Variants in ABCB5 observed in about 807,000 individuals in gnomAD.
ABCB5 encodes the protein ATP-binding cassette sub-family B member 5.
In ABCB5, 155 loss-of-function variants were observed where a neutral mutation model predicts 144.2. That is an observed-to-expected ratio of 1.08 (90% CI 0.94 to 1.23). ABCB5 has a LOEUF of 1.23. Ranked by LOEUF, ABCB5 falls within the 50% of genes most tolerant of loss-of-function variation. The probability of loss-of-function intolerance (pLI) is 0.00; values close to 1 mark genes in which losing one functional copy is unlikely to be tolerated. For missense variants in ABCB5, 1,830 were observed against 1,520.8 expected, an observed-to-expected ratio of 1.20 and a Z score of -3.38; for synonymous variants, 610 against 528.6, an observed-to-expected ratio of 1.15 and a Z score of -2.11.
At position 20,643,121 on chromosome 7, in the gene ABCB5, TTA is replaced by T. The variant is rs1784328280; in HGVS notation, c.315-61_315-60del. On this transcript the variant is annotated intron_variant, in intron 5 of 27. Transcript: ENST00000404938. ...TCAATCAAATACTGTGATCGATTTT[TTA>T]TGTGTGTAACAAGATAAAAATGTTG... 5.3e-5 allele frequency: 74 copies of T among 1,396,960 alleles called. No individual in the cohort carries two copies. The South Asian group carries it at 7.9e-4, about 15-fold the overall frequency. 86.5% of individuals were successfully genotyped at this position (1,396,960 alleles called of 1,614,324 possible). A position where few individuals can be genotyped will look rare whatever the true frequency, so the allele number is the denominator to read the frequency against.
intron 14 of ABCB5, among the ~76,000 whole-genome samples, chr7:20,680,797 C>A: frequency 6.6e-6 from 1 of 152,104 alleles, no homozygotes; most frequent in East Asian, 1.9e-4. Flanking sequence ...TAAGTAATAT[C>A]CCCATTTTAA....
intron 14 of ABCB5, chr7:20,666,863 C>G: frequency 7.3e-7 from 1 of 1,372,662 alleles, no homozygotes; most frequent in Non-Finnish European, 9.5e-7. Flanking sequence ...AATCTTTACA[C>G]TAATTCTGGC....
intron 23 of ABCB5, among the ~76,000 whole-genome samples, chr7:20,737,559 T>C (rs1782426608): frequency 6.6e-6 from 1 of 152,186 alleles, no homozygotes. Flanking sequence ...GTAGAGATTT[T>C]AGCATATCTC....
At chr7:20,682,706 A>G (rs1215140801) in intron 15 of ABCB5, among the ~76,000 whole-genome samples, 1 of 152,186 alleles carries the variant, frequency 6.6e-6, no homozygotes, top group Non-Finnish European at 1.5e-5. Context: ...GTGGGCACTC[A>G]ATAAACACTT....
At position 20,650,022 on chromosome 7, in the gene ABCB5, AT is replaced by A. The variant is rs1784530823; in HGVS notation, c.1209del (p.Leu404Ter). 3 of 1,610,994 alleles carry A rather than the reference AT, an allele frequency of 1.9e-6. No homozygotes were observed. The East Asian group carries it at 6.7e-5, about 36-fold the overall frequency. On this transcript the variant is annotated frameshift_variant and splice_region_variant, in exon 12 of 28. Coordinates refer to ENST00000404938, the MANE Select transcript of ABCB5 (RefSeq NM_001163941.2). LOFTEE classifies it high-confidence loss of function. ...ATTTTCCCTCCATACATTCCAATAG[AT>A]TCTGAAAGGTCTGAATCTCAGAATT... ...FNYPSRPSIK[I>X]LKGLNLRIKS...
At chr7:20,666,881 C>T in intron 14 of ABCB5, 1 of 1,330,172 alleles carries the variant, frequency 7.5e-7, no homozygotes. Flanking sequence ...GGCTAAAAGA[C>T]AGCATCAGCT....
Position 20,714,348 on chromosome 7 carries a change from C to CA in ABCB5, c.2422-8658dup, listed in dbSNP as rs374402106. 2.9e-3 allele frequency among the ~76,000 whole-genome samples: 432 copies of CA among 146,938 alleles called. 8 individuals carry two copies. The East Asian group carries it at 0.054, about 18-fold the overall frequency. On this transcript the variant is annotated intron_variant, in intron 20 of 27. Transcript: ENST00000404938. ...AAACAAGACTTTTTGTTCTTAATTT[C>CA]AAAAAAAAAACCTGTATTTTTGTGC...
At chr7:20,656,464 A>G (rs1583400207) in intron 13 of ABCB5, among the ~76,000 whole-genome samples, 1 of 152,300 alleles carries the variant, frequency 6.6e-6, no homozygotes, top group African/African-American at 2.4e-5. Context: ...ATTTGAACAG[A>G]CATTTTACAA....
intron 13 of ABCB5, among the ~76,000 whole-genome samples, chr7:20,655,420 C>T (rs1040265539): frequency 6.6e-6 from 1 of 152,114 alleles, no homozygotes; most frequent in Non-Finnish European, 1.5e-5. Flanking sequence ...TTGCAGTGAG[C>T]TGAGATAGCA....
intron 13 of ABCB5, among the ~76,000 whole-genome samples, chr7:20,654,975 A>G (rs1784725186): frequency 6.6e-6 from 1 of 152,062 alleles, no homozygotes; most frequent in African/African-American, 2.4e-5. Context: ...TAGAAATTAC[A>G]GTAGAAATCA....
intron 15 of ABCB5, among the ~76,000 whole-genome samples, chr7:20,682,430 A>T (rs966967229): frequency 1.1e-4 from 16 of 152,190 alleles, no homozygotes; most frequent in African/African-American, 3.4e-4. Flanking sequence ...TTCATGGAAG[A>T]GGTCTTTAAG....
chr7:20,665,896 C>G (rs4476902), intron 14 of ABCB5, among the ~76,000 whole-genome samples: 136,466 of 150,754 alleles, frequency 0.91, 61,954 homozygotes, highest in East Asian at 1. Flanking sequence ...TGGGCCGGGC[C>G]TGGTGGCTCA....
chr7:20,678,303 A>G (rs1785678867), intron 14 of ABCB5, among the ~76,000 whole-genome samples: 1 of 152,154 alleles, frequency 6.6e-6, no homozygotes, highest in Non-Finnish European at 1.5e-5. Flanking sequence ...ATAGATTTGG[A>G]AAAAAGTTTG....
At chr7:20,718,615 G>C (rs1199071817) in intron 20 of ABCB5, among the ~76,000 whole-genome samples, 2 of 152,184 alleles carry the variant, frequency 1.3e-5, no homozygotes, top group East Asian at 3.8e-4. Flanking sequence ...GAGCCCTGGG[G>C]GGGAGGGAGG....
intron 2 of ABCB5, among the ~76,000 whole-genome samples, chr7:20,624,574 G>C (rs996310016): frequency 6.6e-6 from 1 of 152,170 alleles, no homozygotes; most frequent in African/African-American, 2.4e-5. Flanking sequence ...AGGAATTGAA[G>C]GTAGGGGTTG....
At chr7:20,623,418 G>T in intron 2 of ABCB5, 80 bp downstream of exon 2, 1 of 1,196,392 alleles carries the variant, frequency 8.4e-7, no homozygotes, top group African/African-American at 1.6e-5. Flanking sequence ...TAGCAAAAAT[G>T]TTTATAATTT....
rs1032795733 is a variant in ABCB5, at chr7:20,655,319, A to G, written c.1537-3187A>G. Among the ~76,000 whole-genome samples, 332 of 152,218 alleles carry G rather than the reference A, an allele frequency of 2.2e-3. 2 individuals carry two copies. Among genetic ancestry groups the G allele is most frequent in the Non-Finnish European group, 7.8e-4 (53 of 68,006 alleles). ...AAACCCTGTCTCTACTAAAAATACA[A>G]AAAATTAGCTGGGTGTGGTGGTGCA... is the stretch of plus-strand genomic sequence containing the variant. On this transcript the variant is annotated intron_variant, in intron 13 of 27. Coordinates refer to ENST00000404938, the MANE Select transcript of ABCB5 (RefSeq NM_001163941.2).
At chr7:20,748,038 C>A (rs117166663) in intron 26 of ABCB5, among the ~76,000 whole-genome samples, 1 of 152,094 alleles carries the variant, frequency 6.6e-6, no homozygotes, top group Non-Finnish European at 1.5e-5. Context: ...CTGTAACTAC[C>A]GCATTTTACA....
At chr7:20,717,498 A>G (rs937818693) in intron 20 of ABCB5, among the ~76,000 whole-genome samples, 1 of 145,388 alleles carries the variant, frequency 6.9e-6, no homozygotes, top group Middle Eastern at 3.4e-3. Flanking sequence ...GCTGGACTGC[A>G]GTGGCGTTAT....
Sources: gnomAD v4.1 joint callset for allele counts (sites outside exome capture counted in the v4.1 genomes callset) on GRCh38, gnomAD v4.1.1 for gene constraint, MANE v1.5 for transcripts, NCBI Gene and HGNC (gene_info 2026-07-23, HGNC 2026-07-21) for gene names.